Variants in GABBR2 observed in about 807,000 individuals in gnomAD.
The protein encoded by GABBR2 is G-protein coupled receptor 51.
In GABBR2, 23 loss-of-function variants were observed where a neutral mutation model predicts 105.6. The observed-to-expected ratio is 0.22, with a 90% CI of 0.16 to 0.31. The LOEUF (loss-of-function observed/expected upper bound fraction) is 0.31. GABBR2 is among the 10% of genes least tolerant of loss of function. The probability of loss-of-function intolerance (pLI) is 1.00; values close to 1 mark genes in which losing one functional copy is unlikely to be tolerated. For synonymous variants in GABBR2, 478 were observed against 499.7 expected, an observed-to-expected ratio of 0.96 and a Z score of 0.58; for missense variants, 734 against 1,245.5, an observed-to-expected ratio of 0.59 and a Z score of 6.18.
chr9:98,588,999 G>C (rs569190171), intron 1 of GABBR2, among the ~76,000 whole-genome samples: 1 of 152,210 alleles, frequency 6.6e-6, no homozygotes, highest in Non-Finnish European at 1.5e-5. Context: ...GCAGTCTCAC[G>C]AGCTGACAGC....
chr9:98,633,062 C>T (rs546844312), intron 1 of GABBR2, among the ~76,000 whole-genome samples: 3 of 152,052 alleles, frequency 2.0e-5, no homozygotes, highest in Admixed American at 6.5e-5. Context: ...TGTAGATATC[C>T]GTGGTGTGAA....
chr9:98,312,309 T>C (rs2131363641), intron 13 of GABBR2, among the ~76,000 whole-genome samples: 1 of 152,356 alleles, frequency 6.6e-6, no homozygotes, highest in East Asian at 1.9e-4. Flanking sequence ...TACTTTGGTC[T>C]TTCATGTCAT....
At chr9:98,625,540 G>A (rs1362533988) in intron 1 of GABBR2, among the ~76,000 whole-genome samples, 2 of 152,130 alleles carry the variant, frequency 1.3e-5, no homozygotes, top group African/African-American at 4.8e-5. Context: ...CTCTTCTCTG[G>A]GAGGGGCTAT....
intron 7 of GABBR2, among the ~76,000 whole-genome samples, chr9:98,438,207 C>A (rs1397455704): frequency 7.2e-6 from 1 of 139,512 alleles, no homozygotes; most frequent in Admixed American, 7.4e-5. Flanking sequence ...ATCCATCCAT[C>A]CATCCATCCA....
intron 1 of GABBR2, among the ~76,000 whole-genome samples, chr9:98,675,659 A>T (rs1564148587): frequency 6.6e-6 from 1 of 152,204 alleles, no homozygotes; most frequent in Non-Finnish European, 1.5e-5. Context: ...TGAAATTAAC[A>T]GTAACAAGTG....
At chr9:98,514,637 C>T (rs1277431399) in intron 3 of GABBR2, among the ~76,000 whole-genome samples, 59 of 101,480 alleles carry the variant, frequency 5.8e-4, no homozygotes, top group African/African-American at 2.1e-3. Context: ...CGTCACACAC[C>T]GGGGACTGTT....
intron 7 of GABBR2, among the ~76,000 whole-genome samples, chr9:98,432,226 G>A (rs1564066500): frequency 6.6e-6 from 1 of 152,096 alleles, no homozygotes; most frequent in Non-Finnish European, 1.5e-5. Flanking sequence ...GAGTACCATG[G>A]CCAGAGATTA....
At chr9:98,554,583 G>A (rs1018629008) in intron 2 of GABBR2, among the ~76,000 whole-genome samples, 2 of 152,080 alleles carry the variant, frequency 1.3e-5, no homozygotes, top group Non-Finnish European at 2.9e-5. Context: ...AAGCACGTTA[G>A]ATACTTTTAA....
At chr9:98,477,231 A>G (rs1052017726) in intron 5 of GABBR2, among the ~76,000 whole-genome samples, 2 of 152,040 alleles carry the variant, frequency 1.3e-5, no homozygotes, top group Non-Finnish European at 2.9e-5. Flanking sequence ...TTACTTGGTC[A>G]CCTTGATTTT....
chr9:98,372,876 C>T (rs1831809062), intron 11 of GABBR2, among the ~76,000 whole-genome samples: 1 of 152,192 alleles, frequency 6.6e-6, no homozygotes, highest in Non-Finnish European at 1.5e-5. Flanking sequence ...AACAGTATCA[C>T]AGCGCTTGTT....
intron 7 of GABBR2, among the ~76,000 whole-genome samples, chr9:98,410,540 T>C (rs1381782124): frequency 1.4e-5 from 2 of 147,248 alleles, no homozygotes; most frequent in African/African-American, 5.2e-5. Context: ...TCTGCTCTGG[T>C]TGCAGCAAGG....
chr9:98,480,580 C>T (rs191553117), intron 5 of GABBR2, among the ~76,000 whole-genome samples: 161 of 152,308 alleles, frequency 1.1e-3, no homozygotes, highest in African/African-American at 3.7e-3. Flanking sequence ...TTGTCCCTAA[C>T]CTAAGACTCT....
intron 13 of GABBR2, among the ~76,000 whole-genome samples, chr9:98,341,204 C>G (rs139518741): frequency 6.6e-6 from 1 of 152,336 alleles, no homozygotes; most frequent in East Asian, 1.9e-4. Flanking sequence ...GTTCCAGAAT[C>G]GCGGCGGTGG....
chr9:98,432,668 G>A (rs1297416391), intron 7 of GABBR2, among the ~76,000 whole-genome samples: 1 of 152,190 alleles, frequency 6.6e-6, no homozygotes, highest in African/African-American at 2.4e-5. Flanking sequence ...CAGGAGCTTA[G>A]TAAATGTTGG....
chr9:98,417,344 T>C (rs1359174842), intron 7 of GABBR2, among the ~76,000 whole-genome samples: 1 of 152,166 alleles, frequency 6.6e-6, no homozygotes, highest in African/African-American at 2.4e-5. Context: ...AGGAGCTACT[T>C]GTCACAGAGG....
intron 11 of GABBR2, 49 bp downstream of exon 11, chr9:98,385,591 C>T (rs1832057822): frequency 1.3e-6 from 2 of 1,538,214 alleles, no homozygotes; most frequent in Middle Eastern, 1.7e-4. Context: ...ACTGAGGTCA[C>T]CAAGGAAACT....
chr9:98,539,484 T>C (rs1828248352), intron 3 of GABBR2, among the ~76,000 whole-genome samples: 1 of 152,214 alleles, frequency 6.6e-6, no homozygotes, highest in African/African-American at 2.4e-5. Flanking sequence ...CAATCTTTCA[T>C]GACTTCAGAG....
At chr9:98,579,039 TGATG>T (rs1254492965) in intron 1 of GABBR2, among the ~76,000 whole-genome samples, 1 of 152,144 alleles carries the variant, frequency 6.6e-6, no homozygotes, top group Non-Finnish European at 1.5e-5. Flanking sequence ...TGGATGATGG[TGATG>T]GTAGCTCAGC....
At chr9:98,431,881 A>G (rs1241381860) in intron 7 of GABBR2, among the ~76,000 whole-genome samples, 1 of 151,780 alleles carries the variant, frequency 6.6e-6, no homozygotes, top group African/African-American at 2.4e-5. Context: ...TTATTTTATT[A>G]TCACTATTTT....
Sources: gnomAD v4.1 joint callset for allele counts (sites outside exome capture counted in the v4.1 genomes callset) on GRCh38, gnomAD v4.1.1 for gene constraint, MANE v1.5 for transcripts, NCBI Gene and HGNC (gene_info 2026-07-23, HGNC 2026-07-21) for gene names.